DLGAP1: variants seen among roughly 807,000 people sequenced by gnomAD.
DLGAP1 encodes the protein DLG associated protein 1.
A neutral mutation model predicts 90.8 loss-of-function variants in DLGAP1; 11 were observed. The observed-to-expected ratio is 0.12, with a 90% CI of 0.08 to 0.20. DLGAP1 has a LOEUF of 0.20. Ranked by LOEUF, DLGAP1 falls within the 10% of genes least tolerant of loss-of-function variation. The pLI is 1.00. For synonymous variants in DLGAP1, 558 were observed against 540.7 expected, an observed-to-expected ratio of 1.03 and a Z score of -0.44; for missense variants, 1,050 against 1,333.8, an observed-to-expected ratio of 0.79 and a Z score of 3.31.
intron 1 of DLGAP1, among the ~76,000 whole-genome samples, chr18:4,440,203 TG>T (rs1312679840): frequency 1.3e-5 from 2 of 150,482 alleles, no homozygotes; most frequent in Non-Finnish European, 3.0e-5. Context: ...TCAAGAGGAC[TG>T]GGGAGTTATG....
chr18:4,204,428 C>T (rs2077675659), intron 1 of DLGAP1, among the ~76,000 whole-genome samples: 1 of 152,084 alleles, frequency 6.6e-6, no homozygotes, highest in South Asian at 2.1e-4. Context: ...ATCATTAATT[C>T]ACTTTGATCT....
intron 9 of DLGAP1, among the ~76,000 whole-genome samples, chr18:3,546,188 T>C (rs1274239308): frequency 6.6e-6 from 1 of 152,024 alleles, no homozygotes; most frequent in African/African-American, 2.4e-5. Context: ...GTTGGGAAGC[T>C]GAGGCAAGCA....
chr18:3,932,766 C>T (rs1239834416), intron 3 of DLGAP1, among the ~76,000 whole-genome samples: 1 of 152,080 alleles, frequency 6.6e-6, no homozygotes, highest in Non-Finnish European at 1.5e-5. Flanking sequence ...CACTAACTGG[C>T]CAGAAACATA....
At chr18:4,057,297 G>A (rs1172946184) in intron 2 of DLGAP1, among the ~76,000 whole-genome samples, 2 of 152,172 alleles carry the variant, frequency 1.3e-5, no homozygotes, top group African/African-American at 4.8e-5. Context: ...GTACACCCAA[G>A]CATGCATTAA....
intron 1 of DLGAP1, among the ~76,000 whole-genome samples, chr18:4,255,510 A>ATATAT (rs11413478): frequency 2.7e-5 from 4 of 149,332 alleles, no homozygotes; most frequent in African/African-American, 7.4e-5. Context: ...TGAAAAAAAA[A>ATATAT]ATATATATAT....
At chr18:4,407,815 G>A (rs781537139) in intron 1 of DLGAP1, among the ~76,000 whole-genome samples, 23 of 151,952 alleles carry the variant, frequency 1.5e-4, no homozygotes, top group Admixed American at 6.6e-4. Context: ...TCCAAAAGGG[G>A]GAGGTTGCAG....
At chr18:3,852,981 G>A (rs1453299952) in intron 4 of DLGAP1, among the ~76,000 whole-genome samples, 1 of 151,924 alleles carries the variant, frequency 6.6e-6, no homozygotes, top group Admixed American at 6.6e-5. Context: ...TCTGGTTTAA[G>A]TCTATATTAA....
At chr18:3,947,150 C>T (rs2072893166) in intron 3 of DLGAP1, among the ~76,000 whole-genome samples, 1 of 152,168 alleles carries the variant, frequency 6.6e-6, no homozygotes, top group Non-Finnish European at 1.5e-5. Flanking sequence ...AGCCTACACA[C>T]ATTGGGTTGG....
At chr18:4,298,770 AT>A (rs1423884311) in intron 1 of DLGAP1, among the ~76,000 whole-genome samples, 1,240 of 94,708 alleles carry the variant, frequency 0.013, 5 homozygotes, top group African/African-American at 0.039. Flanking sequence ...ATTTAAATAA[AT>A]AAAAAAAAAA....
At chr18:4,377,368 G>A (rs1375993702) in intron 1 of DLGAP1, among the ~76,000 whole-genome samples, 1 of 152,104 alleles carries the variant, frequency 6.6e-6, no homozygotes, top group African/African-American at 2.4e-5. Context: ...CCCAGATTCT[G>A]AGCTAATTTT....
intron 1 of DLGAP1, among the ~76,000 whole-genome samples, chr18:4,329,257 A>G (rs1177330234): frequency 1.3e-5 from 2 of 151,926 alleles, no homozygotes; most frequent in Non-Finnish European, 2.9e-5. Flanking sequence ...TCATTTTTTG[A>G]AAAAACGAAG....
chr18:3,820,298 G>A (rs531574401), intron 4 of DLGAP1, among the ~76,000 whole-genome samples: 69 of 152,308 alleles, frequency 4.5e-4, no homozygotes, highest in African/African-American at 1.6e-3. Context: ...AGGCCTGTGC[G>A]ATTCTGTGAG....
intron 2 of DLGAP1, among the ~76,000 whole-genome samples, chr18:4,035,037 A>G (rs929057944): frequency 6.6e-6 from 1 of 152,138 alleles, no homozygotes; most frequent in Non-Finnish European, 1.5e-5. Context: ...ATAGTATTCC[A>G]TGGTGTATAT....
chr18:3,600,857 T>TATATATAG lies in DLGAP1; in HGVS notation c.1592-18617_1592-18610dup, dbSNP rs1199297912. Among the ~76,000 whole-genome samples, 492 of 73,692 alleles carry TATATATAG rather than the reference T, an allele frequency of 6.7e-3. 163 individuals are homozygous for TATATATAG. The highest frequency in any genetic ancestry group is 0.032 in the African/African-American group (462 of 14,502). The allele number at this position is 73,692 out of a possible 152,430, so 48.3% of individuals were successfully genotyped here. A position where few individuals can be genotyped will look rare whatever the true frequency, so the allele number is the denominator to read the frequency against. On this transcript the variant is annotated intron_variant, in intron 7 of 12. Coordinates refer to ENST00000315677, the MANE Select transcript of DLGAP1 (RefSeq NM_004746.4). The stretch of plus-strand genomic sequence containing the variant: ...ATATAGATATATATAGATATATAGA[T>TATATATAG]ATATATAGATATATAGATATATAGA...
intron 1 of DLGAP1, among the ~76,000 whole-genome samples, chr18:4,336,083 A>G (rs755355713): frequency 1.3e-4 from 20 of 152,226 alleles, no homozygotes; most frequent in Non-Finnish European, 2.5e-4. Context: ...TGTTATCACT[A>G]TTAGCATACT....
intron 1 of DLGAP1, among the ~76,000 whole-genome samples, chr18:4,372,042 C>T (rs1372368928): frequency 2.6e-5 from 4 of 152,198 alleles, no homozygotes. Flanking sequence ...TATCAGCAGT[C>T]AAGCTGCACA....
intron 1 of DLGAP1, among the ~76,000 whole-genome samples, chr18:4,227,132 C>T (rs553930009): frequency 1.5e-3 from 224 of 151,822 alleles, no homozygotes; most frequent in Non-Finnish European, 2.4e-3. Flanking sequence ...ATAATGATAA[C>T]GGGGTCAATT....
intron 1 of DLGAP1, among the ~76,000 whole-genome samples, chr18:4,176,694 G>A (rs911379487): frequency 2.0e-5 from 3 of 152,132 alleles, no homozygotes; most frequent in Admixed American, 2.0e-4. Flanking sequence ...CAAGCTCTTG[G>A]TCATTTATGT....
chr18:3,898,331 T>A (rs1268543310), intron 3 of DLGAP1, among the ~76,000 whole-genome samples: 2 of 152,250 alleles, frequency 1.3e-5, no homozygotes, highest in African/African-American at 4.8e-5. Flanking sequence ...TATGTCTCTG[T>A]GGTAAACCCT....
Sources: gnomAD v4.1 joint callset for allele counts (sites outside exome capture counted in the v4.1 genomes callset) on GRCh38, gnomAD v4.1.1 for gene constraint, MANE v1.5 for transcripts, NCBI Gene and HGNC (gene_info 2026-07-23, HGNC 2026-07-21) for gene names.